The following LINGO2 variants were observed in gnomAD, a reference collection of about 807,000 sequenced individuals.
LINGO2 encodes the protein leucine rich repeat and Ig domain containing 2.
A neutral mutation model predicts 30.6 loss-of-function variants in LINGO2; 14 were observed. The observed-to-expected ratio is 0.46, with a 90% CI of 0.30 to 0.72. LINGO2 has a LOEUF of 0.72. Ranked by LOEUF, LINGO2 falls within the 30% of genes least tolerant of loss-of-function variation. LINGO2 has a pLI of 0.07. For synonymous variants in LINGO2, 317 were observed against 288.5 expected, an observed-to-expected ratio of 1.10 and a Z score of -1.00; for missense variants, 729 against 751.7, an observed-to-expected ratio of 0.97 and a Z score of 0.35.
chr9:28,582,414 C>T (rs1824301637), intron 1 of LINGO2, among the ~76,000 whole-genome samples: 1 of 152,074 alleles, frequency 6.6e-6, no homozygotes, highest in South Asian at 2.1e-4. Context: ...GAAAATCAGT[C>T]ATTCAACAAT....
At chr9:28,806,084 A>G in the LINGO2 span, among the ~76,000 whole-genome samples, 4 of 109,058 alleles carry the variant, frequency 3.7e-5, no homozygotes, top group Non-Finnish European at 8.8e-5. Context: ...CTCTTAGTCA[A>G]TCTTCCATTT....
intron 1 of LINGO2, among the ~76,000 whole-genome samples, chr9:28,561,152 C>G (rs140544929): frequency 0.015 from 2,226 of 152,074 alleles, 29 homozygotes; most frequent in African/African-American, 0.027. Context: ...GTTTTTGTAA[C>G]TCCTACCACT....
the LINGO2 span, among the ~76,000 whole-genome samples, chr9:28,876,662 T>C: frequency 4.6e-5 from 7 of 152,180 alleles, no homozygotes; most frequent in African/African-American, 1.7e-4. Context: ...GCTGGACATT[T>C]GGGTTGGTTC....
intron 1 of LINGO2, among the ~76,000 whole-genome samples, chr9:28,655,168 G>A (rs1351647814): frequency 6.6e-6 from 1 of 151,938 alleles, no homozygotes; most frequent in Non-Finnish European, 1.5e-5. Context: ...GTTTTATAAG[G>A]GACTTCCTTC....
chr9:28,959,610 C>CTCT, the LINGO2 span, among the ~76,000 whole-genome samples: 3,682 of 141,462 alleles, frequency 0.026, 101 homozygotes, highest in African/African-American at 0.071. Flanking sequence ...TCTCTCTCTC[C>CTCT]CTCACACACA....
At chr9:29,205,965 C>T in the LINGO2 span, among the ~76,000 whole-genome samples, 1 of 152,154 alleles carries the variant, frequency 6.6e-6, no homozygotes, top group Non-Finnish European at 1.5e-5. Context: ...GTACATTTCA[C>T]CTAATTATAT....
In LINGO2 at chr9:28,059,409, C is replaced by T. The variant is rs1487411554; in HGVS notation, c.-86-47004G>A. ...TTCTCGAACTGTCTTTTTCTCAATC[C>T]TTTGACTCCGCCGGTCTTTGTCCAC... On this transcript the variant is annotated intron_variant, in intron 4 of 5. Coordinates refer to ENST00000379992, the Ensembl canonical transcript of LINGO2. 2.0e-5 allele frequency among the ~76,000 whole-genome samples: 3 copies of T among 152,028 alleles called. No individual in the cohort carries two copies. In the East Asian group the frequency reaches 5.8e-4, roughly 29 times the overall value.
intron 5 of LINGO2, among the ~76,000 whole-genome samples, chr9:27,952,360 T>C (rs570726690): frequency 7.2e-5 from 11 of 151,988 alleles, no homozygotes; most frequent in Non-Finnish European, 1.0e-4. Context: ...ATGTACTATG[T>C]AGAGAGATTA....
rs1820203122 is a variant in LINGO2, at chr9:27,968,481, G to C, written c.-35-17775C>G. 2.0e-5 allele frequency among the ~76,000 whole-genome samples: 3 copies of C among 151,802 alleles called. No homozygotes were observed. The South Asian group carries it at 6.2e-4, about 32-fold the overall frequency. The stretch of plus-strand genomic sequence containing the variant: ...ATATCTACATCCTGAACATAGTTAA[G>C]GAAAAATACCTTCATGCATAAAGCA... On this transcript the variant is annotated intron_variant, in intron 5 of 5. Coordinates refer to ENST00000379992, the Ensembl canonical transcript of LINGO2.
intron 4 of LINGO2, among the ~76,000 whole-genome samples, chr9:28,156,811 C>T (rs1024050013): frequency 1.3e-5 from 2 of 152,246 alleles, no homozygotes; most frequent in East Asian, 3.9e-4. Flanking sequence ...GTCTGAAATC[C>T]AGCAGGGCAG....
At chr9:28,891,191 AG>A in the LINGO2 span, among the ~76,000 whole-genome samples, 1 of 152,120 alleles carries the variant, frequency 6.6e-6, no homozygotes, top group African/African-American at 2.4e-5. Context: ...AGTACATAAA[AG>A]TTTAGAGTTC....
intron 1 of LINGO2, among the ~76,000 whole-genome samples, chr9:28,589,543 C>G (rs1396307494): frequency 6.6e-6 from 1 of 152,094 alleles, no homozygotes; most frequent in Admixed American, 6.6e-5. Flanking sequence ...AGTGAACTCC[C>G]ATTCACAATT....
the LINGO2 span, among the ~76,000 whole-genome samples, chr9:28,679,192 C>T: frequency 2.0e-5 from 3 of 151,984 alleles, no homozygotes; most frequent in Admixed American, 6.6e-5. Flanking sequence ...AGTACAAAAA[C>T]TTTGATGACT....
intron 1 of LINGO2, among the ~76,000 whole-genome samples, chr9:28,494,285 G>A (rs535540544): frequency 3.3e-4 from 50 of 151,844 alleles, no homozygotes; most frequent in Admixed American, 3.9e-4. Flanking sequence ...TGTTACATAC[G>A]TATACATGTG....
intron 5 of LINGO2, among the ~76,000 whole-genome samples, chr9:27,984,067 G>C (rs1264831759): frequency 6.6e-6 from 1 of 151,888 alleles, no homozygotes; most frequent in African/African-American, 2.4e-5. Flanking sequence ...AGCTTATACT[G>C]TGTGGGGCAG....
chr9:28,905,278 CAAAAA>C, the LINGO2 span, among the ~76,000 whole-genome samples: 12 of 131,020 alleles, frequency 9.2e-5, no homozygotes, highest in East Asian at 2.7e-3. Context: ...ACAACAAAAG[CAAAAA>C]AAAAAAAAAA....
the LINGO2 span, among the ~76,000 whole-genome samples, chr9:28,784,156 C>T: frequency 2.0e-5 from 3 of 152,194 alleles, no homozygotes; most frequent in African/African-American, 7.2e-5. Flanking sequence ...TACACTGTAA[C>T]TTTGCAGAGG....
the LINGO2 span, among the ~76,000 whole-genome samples, chr9:29,126,646 A>C: frequency 1.3e-5 from 2 of 152,176 alleles, no homozygotes; most frequent in South Asian, 4.1e-4. Flanking sequence ...TGTAGGGCTT[A>C]ATGGTCATCT....
chr9:28,915,391 C>G, the LINGO2 span, among the ~76,000 whole-genome samples: 1 of 152,092 alleles, frequency 6.6e-6, no homozygotes, highest in African/African-American at 2.4e-5. Flanking sequence ...GTTTCTGAAT[C>G]ATAGGTCTGG....
Sources: gnomAD v4.1 joint callset for allele counts (sites outside exome capture counted in the v4.1 genomes callset) on GRCh38, gnomAD v4.1.1 for gene constraint, MANE v1.5 for transcripts, NCBI Gene and HGNC (gene_info 2026-07-23, HGNC 2026-07-21) for gene names.